Variants in PIGN observed in about 807,000 individuals in gnomAD.
PIGN encodes the protein GPI ethanolamine phosphate transferase 1.
A neutral mutation model predicts 125.4 loss-of-function variants in PIGN; 117 were observed. The ratio of observed to expected loss-of-function variants is 0.93; its 90% CI spans 0.80 to 1.09. The LOEUF is 1.09. PIGN is among the 50% of genes least tolerant of loss of function. The pLI is 0.00. For missense variants in PIGN, 1,075 were observed against 1,094.9 expected, an observed-to-expected ratio of 0.98 and a Z score of 0.26; for synonymous variants, 392 against 377.8, an observed-to-expected ratio of 1.04 and a Z score of -0.44.
At position 62,044,162 on chromosome 18, in the gene PIGN, A is replaced by C. The variant is rs2030496035; in HGVS notation, c.*1694T>G. On this transcript the variant is annotated 3_prime_UTR_variant, in exon 31 of 31. Transcript: ENST00000640252. ...AGACTCACACTGACCTGAAAGGACA[A>C]AATTAAGAAAAAGATATGCCTCAAA... is the stretch of plus-strand genomic sequence containing the variant. 2.6e-5 allele frequency: 4 copies of C among 152,224 alleles called. No individual in the cohort carries two copies. In the South Asian group the frequency reaches 8.3e-4, roughly 31 times the overall value. The allele number at this position is 152,224 out of a possible 1,614,324, so 9.4% of individuals were successfully genotyped here.
chr18:62,136,002 T>A (rs1260124949), intron 14 of PIGN: 1 of 152,214 alleles, frequency 6.6e-6, no homozygotes, highest in Non-Finnish European at 1.5e-5. Context: ...ACAAATAAAC[T>A]CTATGAATGC....
At chr18:62,186,418 G>T (rs1473781177) in intron 1 of PIGN, 1 of 152,224 alleles carries the variant, frequency 6.6e-6, no homozygotes, top group Non-Finnish European at 1.5e-5. Flanking sequence ...GACAGCATTA[G>T]ATATTCTGAA....
At chr18:62,067,924 A>G (rs2032620164) in intron 30 of PIGN, among the ~76,000 whole-genome samples, 1 of 152,196 alleles carries the variant, frequency 6.6e-6, no homozygotes, top group Non-Finnish European at 1.5e-5. Context: ...ACGAATAGGA[A>G]GGCCACCAGT....
At chr18:62,143,831 T>C (rs1382502341) in intron 10 of PIGN, among the ~76,000 whole-genome samples, 1 of 152,198 alleles carries the variant, frequency 6.6e-6, no homozygotes, top group African/African-American at 2.4e-5. Flanking sequence ...AATGTTAACA[T>C]AGTATATTGA....
chr18:62,073,570 C>T (rs2033010578), intron 29 of PIGN, among the ~76,000 whole-genome samples: 1 of 152,084 alleles, frequency 6.6e-6, no homozygotes. Context: ...GAATTTCAAT[C>T]CTCTTCTATT....
chr18:62,038,290 A>AATTCAATCCCC (rs2030286418), downstream of PIGN, among the ~76,000 whole-genome samples: 1 of 146,798 alleles, frequency 6.8e-6, no homozygotes, highest in African/African-American at 2.5e-5. Flanking sequence ...GAGATCAGTG[A>AATTCAATCCCC]ATTCAATCCC....
At chr18:62,037,524 T>C (rs553828951), downstream of PIGN, among the ~76,000 whole-genome samples, 12 of 152,348 alleles carry the variant, frequency 7.9e-5, no homozygotes, top group African/African-American at 2.9e-4. Context: ...GCACAACCAC[T>C]GCCTCTTACG....
chr18:62,098,670 G>C (rs1392444435), intron 22 of PIGN, among the ~76,000 whole-genome samples: 1 of 152,120 alleles, frequency 6.6e-6, no homozygotes, highest in Non-Finnish European at 1.5e-5. Context: ...GTGTATCTGT[G>C]CCTAAAAGAG....
chr18:62,038,366 A>G (rs2030289481), downstream of PIGN, among the ~76,000 whole-genome samples: 1 of 119,664 alleles, frequency 8.4e-6, no homozygotes, highest in Non-Finnish European at 1.6e-5. Context: ...AGAATATTTC[A>G]CTTAATTGAA....
intron 25 of PIGN, among the ~76,000 whole-genome samples, chr18:62,086,611 G>GTTTT (rs34619080): frequency 4.7e-5 from 5 of 106,814 alleles, no homozygotes; most frequent in Admixed American, 8.8e-5. Context: ...GTAAGACTCC[G>GTTTT]TTTTTTGTTT....
intron 30 of PIGN, among the ~76,000 whole-genome samples, chr18:62,060,673 G>A (rs533500251): frequency 3.9e-5 from 6 of 152,206 alleles, no homozygotes; most frequent in African/African-American, 9.6e-5. Context: ...TATAACAATC[G>A]TGCATGTGAG....
intron 14 of PIGN, among the ~76,000 whole-genome samples, chr18:62,123,283 A>T (rs936487820): frequency 6.6e-6 from 1 of 152,216 alleles, no homozygotes; most frequent in Non-Finnish European, 1.5e-5. Flanking sequence ...ATAGAAAAAA[A>T]TTCTTAAAGC....
chr18:62,035,650 A>G (rs1380490383), intron 23 of PIGN, among the ~76,000 whole-genome samples: 2 of 152,032 alleles, frequency 1.3e-5, no homozygotes, highest in East Asian at 1.9e-4. Context: ...TACATTAGGT[A>G]TATCTCCTAA....
At chr18:62,087,141 A>G (rs1303407027) in intron 25 of PIGN, among the ~76,000 whole-genome samples, 1 of 152,198 alleles carries the variant, frequency 6.6e-6, no homozygotes, top group African/African-American at 2.4e-5. Context: ...TATGGCATAA[A>G]CCAGGCACAA....
intron 30 of PIGN, among the ~76,000 whole-genome samples, chr18:62,049,914 A>T (rs1376798790): frequency 6.7e-6 from 1 of 148,730 alleles, no homozygotes; most frequent in Non-Finnish European, 1.5e-5. Context: ...AGCTTTCTAC[A>T]TATGGCTAGC....
chr18:62,054,620 T>C (rs1231259303), intron 30 of PIGN, among the ~76,000 whole-genome samples: 1 of 151,182 alleles, frequency 6.6e-6, no homozygotes, highest in Non-Finnish European at 1.5e-5. Flanking sequence ...GCCTCCTGAG[T>C]AGCTGAGACC....
rs1453363793 is a variant in PIGN, at chr18:62,069,838, T to C, written c.2672+2835A>G. ...ATTGAACTGTACACTTAAAAATTGT[T>C]ATGATGACAAATTTCATTATGTGTA... is the stretch of plus-strand genomic sequence containing the variant. On this transcript the variant is annotated intron_variant, in intron 30 of 30. Transcript: ENST00000640252. The C allele has an allele frequency of 2.6e-5, 4 of 152,328 alleles. No homozygotes were observed. The East Asian group carries it at 7.7e-4, about 29-fold the overall frequency. 9.4% of individuals were successfully genotyped at this position (152,328 alleles called of 1,614,324 possible). A position where few individuals can be genotyped will look rare whatever the true frequency, so the allele number is the denominator to read the frequency against.
chr18:62,032,350 GA>G (rs2030204136), intron 23 of PIGN, among the ~76,000 whole-genome samples: 1 of 152,220 alleles, frequency 6.6e-6, no homozygotes. Context: ...CTGATTAAAA[GA>G]AAACTGAGGA....
At chr18:62,118,935 A>C (rs998656099) in intron 14 of PIGN, among the ~76,000 whole-genome samples, 1 of 152,030 alleles carries the variant, frequency 6.6e-6, no homozygotes, top group Non-Finnish European at 1.5e-5. Flanking sequence ...ACAAGAGGAC[A>C]AGAAGCTAAG....
Sources: gnomAD v4.1 joint callset for allele counts (sites outside exome capture counted in the v4.1 genomes callset) on GRCh38, gnomAD v4.1.1 for gene constraint, MANE v1.5 for transcripts, NCBI Gene and HGNC (gene_info 2026-07-23, HGNC 2026-07-21) for gene names.